PCDHA5: variants seen among roughly 807,000 people sequenced by gnomAD.
The protein encoded by PCDHA5 is protocadherin alpha-5.
A neutral mutation model predicts 61.6 loss-of-function variants in PCDHA5; 43 were observed. That is an observed-to-expected ratio of 0.70 (90% CI 0.55 to 0.90). PCDHA5 has a LOEUF of 0.90. Among genes scored for constraint, PCDHA5 ranks in the 40% least tolerant of loss-of-function variants. The pLI, the probability that PCDHA5 is intolerant of heterozygous loss-of-function variation, is 0.00. For missense variants in PCDHA5, 1,298 were observed against 1,222.7 expected, an observed-to-expected ratio of 1.06 and a Z score of -0.92; for synonymous variants, 627 against 543.9, an observed-to-expected ratio of 1.15 and a Z score of -2.13.
At position 140,870,363 on chromosome 5, in the gene PCDHA5, T is replaced by C. The variant is rs782093088; in HGVS notation, c.2352+46236T>C. 1.9e-6 allele frequency: 3 copies of C among 1,614,206 alleles called. No homozygotes were observed. The South Asian group carries it at 3.3e-5, about 18-fold the overall frequency. On this transcript the variant is annotated intron_variant, in intron 1 of 3. Transcript: ENST00000529859. ...TGGACCGCGAGAACGTGTGGGCCTA[T>C]GAACTGGTGGTGACTGCGCGGGATG...
chr5:140,863,250 C>T, intron 1 of PCDHA5: 1 of 1,410,418 alleles, frequency 7.1e-7, no homozygotes, highest in Non-Finnish European at 9.7e-7. Context: ...TGGCGGGCGT[C>T]GAGGTCCGGG....
chr5:140,822,636 T>C lies in PCDHA5; in HGVS notation c.861T>C (p.Asp287=), dbSNP rs147180015. The stretch of plus-strand genomic sequence containing the variant: ...TCTTTAGTAATCTTGTTCTTGACGA[T>C]GTAAAGTCCAAATTTATAATTAATT... ...VYFFSNLVLD[D]VKSKFIINSN... The change falls in exon 1 of 4, where the codon GAT becomes GAC. Residue 287 remains aspartate (D), a synonymous_variant. Coordinates refer to ENST00000529859, the MANE Select transcript of PCDHA5 (RefSeq NM_018908.3). The C allele has an allele frequency of 1.1e-4, 177 of 1,610,778 alleles. No individual in the cohort carries two copies. Among genetic ancestry groups the C allele is most frequent in the African/African-American group, 4.4e-4 (33 of 74,896 alleles).
chr5:140,879,879 G>A lies in PCDHA5; in HGVS notation c.2352+55752G>A, dbSNP rs564256513. Among the ~76,000 whole-genome samples the A allele has an allele frequency of 4.6e-5, 7 of 152,240 alleles. No individual in the cohort carries two copies. In the South Asian group the frequency reaches 1.5e-3, roughly 32 times the overall value. On this transcript the variant is annotated intron_variant, in intron 1 of 3. Coordinates refer to ENST00000529859, the MANE Select transcript of PCDHA5 (RefSeq NM_018908.3). ...CCTTCTCAGCTTTCATGGTCACATT[G>A]CCTCCTCCTCTCCATGTCTCTCTCT... is the stretch of plus-strand genomic sequence containing the variant.
chr5:140,997,713 T>C (rs2097782364), intron 3 of PCDHA5, among the ~76,000 whole-genome samples: 1 of 151,942 alleles, frequency 6.6e-6, no homozygotes, highest in African/African-American at 2.4e-5. Flanking sequence ...AACAAACACC[T>C]TTCTACGTCA....
At chr5:140,830,105 A>G in intron 1 of PCDHA5, 1 of 1,613,218 alleles carries the variant, frequency 6.2e-7, no homozygotes, top group African/African-American at 1.3e-5. Context: ...GCTGGTGGAG[A>G]GTGGCCAGGC....
chr5:141,009,539 C>T, intron 3 of PCDHA5, 88 bp from the exon 4 acceptor site: 1 of 1,522,752 alleles, frequency 6.6e-7, no homozygotes, highest in Non-Finnish European at 8.8e-7. Flanking sequence ...TTCAGCCTGC[C>T]TATGCAGTAC....
intron 3 of PCDHA5, among the ~76,000 whole-genome samples, chr5:140,985,935 T>C (rs1563529145): frequency 6.6e-6 from 1 of 151,974 alleles, no homozygotes; most frequent in African/African-American, 2.4e-5. Context: ...GAGCCGGGGT[T>C]TCACTGTGTT....
intron 1 of PCDHA5, chr5:140,927,075 C>A (rs1304732952): frequency 1.9e-6 from 3 of 1,611,070 alleles, no homozygotes; most frequent in Non-Finnish European, 2.5e-6. Context: ...TTTCCAGCCA[C>A]CGCGAGCTCT....
chr5:140,828,871 A>G, intron 1 of PCDHA5: 1 of 1,614,250 alleles, frequency 6.2e-7, no homozygotes. Flanking sequence ...ACGGAACAAC[A>G]GTTATCAGAC....
intron 1 of PCDHA5, among the ~76,000 whole-genome samples, chr5:140,956,811 C>T (rs1349300314): frequency 6.6e-6 from 1 of 152,108 alleles, no homozygotes; most frequent in African/African-American, 2.4e-5. Context: ...TTTATTATTG[C>T]TTCAATTTGT....
chr5:140,875,218 C>T (rs2055357705), intron 1 of PCDHA5: 1 of 744,910 alleles, frequency 1.3e-6, no homozygotes, highest in South Asian at 3.4e-5. Flanking sequence ...CGAAAAGAAC[C>T]TCAGGATCTT....
At chr5:140,901,407 G>T (rs2068648687) in intron 1 of PCDHA5, among the ~76,000 whole-genome samples, 2 of 152,130 alleles carry the variant, frequency 1.3e-5, no homozygotes, top group Non-Finnish European at 2.9e-5. Context: ...AGAGATAGGG[G>T]TCTAGTTTCA....
intron 1 of PCDHA5, among the ~76,000 whole-genome samples, chr5:140,949,378 A>G (rs2094372256): frequency 6.6e-6 from 1 of 151,852 alleles, no homozygotes; most frequent in South Asian, 2.1e-4. Flanking sequence ...TGTCCTATCA[A>G]TTGCTCAGAG....
At chr5:140,904,858 CTGTT>C (rs1335177457) in intron 1 of PCDHA5, among the ~76,000 whole-genome samples, 1 of 152,072 alleles carries the variant, frequency 6.6e-6, no homozygotes, top group Non-Finnish European at 1.5e-5. Context: ...TGAGAATTGT[CTGTT>C]TATGTCCTTA....
At position 141,010,262 on chromosome 5, in the gene PCDHA5, C is replaced by A; in HGVS notation, c.*325C>A. 4 of 1,551,728 alleles carry A rather than the reference C, an allele frequency of 2.6e-6. No homozygotes were observed. Among genetic ancestry groups the A allele is most frequent in the Non-Finnish European group, 3.5e-6 (4 of 1,146,994 alleles). On this transcript the variant is annotated 3_prime_UTR_variant, in exon 4 of 4. Transcript: ENST00000529859. ...GAGGTTGGACTCTCTGCCCTGTGCT[C>A]CGGGGATCCTGTCTTGATGACACTT...
chr5:140,950,855 T>C (rs2094525829), intron 1 of PCDHA5, among the ~76,000 whole-genome samples: 2 of 152,102 alleles, frequency 1.3e-5, no homozygotes, highest in African/African-American at 4.8e-5. Context: ...TTCTTTCATA[T>C]TCTTGTATAT....
intron 1 of PCDHA5, chr5:140,868,350 A>G (rs962248912): frequency 6.6e-6 from 1 of 152,186 alleles, no homozygotes; most frequent in East Asian, 1.9e-4. Flanking sequence ...ATAATCAGAA[A>G]GCAATTAAAT....
At chr5:140,842,812 G>A in intron 1 of PCDHA5, 1 of 1,594,038 alleles carries the variant, frequency 6.3e-7, no homozygotes, top group Non-Finnish European at 8.6e-7. Flanking sequence ...TTGTGGAGCG[G>A]CGGGTGGGCG....
rs2150113040 is a variant in PCDHA5, at chr5:140,822,035, C to A, written c.260C>A (p.Ser87Tyr). Reference sequence around the variant, plus strand: ...CAGAATGGCATTTTGTTTGTGAATTCTCGGATCGACCGGGAGGAGCTGTGC... The same window carrying A: ...CAGAATGGCATTTTGTTTGTGAATTATCGGATCGACCGGGAGGAGCTGTGC... Reference protein sequence around the residue: ...NLQNGILFVNSRIDREELCRR... With the variant: ...NLQNGILFVNYRIDREELCRR... Residue 87 changes from serine to tyrosine, a missense_variant, in exon 1 of 4, where the codon TCT becomes TAT. By Grantham distance (144) the Ser-to-Tyr change is moderately radical. Coordinates refer to ENST00000529859, the MANE Select transcript of PCDHA5 (RefSeq NM_018908.3). 15 of 1,614,084 alleles carry A rather than the reference C, an allele frequency of 9.3e-6. No individual in the cohort carries two copies. The highest frequency in any genetic ancestry group is 1.2e-5 in the Non-Finnish European group (14 of 1,180,058).
Sources: gnomAD v4.1 joint callset for allele counts (sites outside exome capture counted in the v4.1 genomes callset) on GRCh38, gnomAD v4.1.1 for gene constraint, MANE v1.5 for transcripts, NCBI Gene and HGNC (gene_info 2026-07-23, HGNC 2026-07-21) for gene names.